FHIT: variants seen among roughly 807,000 people sequenced by gnomAD.
FHIT encodes fragile histidine triad diadenosine triphosphatase.
Under a neutral mutation model 17.9 loss-of-function variants are expected in FHIT, and 19 were observed. The observed-to-expected ratio is 1.06, with a 90% CI of 0.74 to 1.56. The LOEUF (loss-of-function observed/expected upper bound fraction) is 1.56, where lower values mean the gene tolerates loss of function less well. Among genes scored for constraint, FHIT ranks in the 40% most tolerant of loss-of-function variants. The pLI, the probability that FHIT is intolerant of heterozygous loss-of-function variation, is 0.00. For synonymous variants in FHIT, 81 were observed against 69.7 expected, an observed-to-expected ratio of 1.16 and a Z score of -0.81; for missense variants, 248 against 189.2, an observed-to-expected ratio of 1.31 and a Z score of -1.82.
At chr3:60,190,921 C>G (rs938166997) in intron 5 of FHIT, among the ~76,000 whole-genome samples, 1 of 151,780 alleles carries the variant, frequency 6.6e-6, no homozygotes, top group Non-Finnish European at 1.5e-5. Flanking sequence ...CCAGCCTGAG[C>G]AACAGAGTGA....
chr3:60,490,133 G>A (rs777672285), intron 5 of FHIT, among the ~76,000 whole-genome samples: 38 of 152,000 alleles, frequency 2.5e-4, no homozygotes, highest in Non-Finnish European at 4.9e-4. Flanking sequence ...GGTAATCACA[G>A]GCAAAGATGA....
intron 4 of FHIT, among the ~76,000 whole-genome samples, chr3:60,715,674 T>C (rs1191275668): frequency 6.7e-6 from 1 of 149,784 alleles, no homozygotes; most frequent in Admixed American, 6.6e-5. Context: ...TAATGCTAAA[T>C]GATGAGTTAA....
chr3:60,530,636 C>A (rs142243066), intron 5 of FHIT, among the ~76,000 whole-genome samples: 2,074 of 152,284 alleles, frequency 0.014, 52 homozygotes, highest in African/African-American at 0.047. Flanking sequence ...GAGTCCTCAA[C>A]CTTGGCAGCT....
chr3:60,986,387 A>G (rs1468603290), intron 3 of FHIT, among the ~76,000 whole-genome samples: 2 of 152,218 alleles, frequency 1.3e-5, no homozygotes, highest in South Asian at 2.1e-4. Context: ...CTTTAATTCT[A>G]TGTACATTCT....
chr3:60,557,002 G>A (rs980519156), intron 4 of FHIT, among the ~76,000 whole-genome samples: 25 of 152,184 alleles, frequency 1.6e-4, no homozygotes, highest in Admixed American at 4.6e-4. Context: ...AGACCATTCC[G>A]TTAGAAAACT....
intron 2 of FHIT, among the ~76,000 whole-genome samples, chr3:61,136,041 G>A (rs564494875): frequency 4.0e-5 from 6 of 151,856 alleles, no homozygotes; most frequent in Admixed American, 2.0e-4. Flanking sequence ...GGAGAATTTT[G>A]GCCAACCATC....
intron 5 of FHIT, among the ~76,000 whole-genome samples, chr3:60,047,845 G>A (rs1227580543): frequency 2.0e-5 from 3 of 152,198 alleles, no homozygotes; most frequent in African/African-American, 7.2e-5. Flanking sequence ...TGACTTAGGG[G>A]TTCTGCTCTT....
At chr3:60,742,454 A>G (rs945693668) in intron 4 of FHIT, among the ~76,000 whole-genome samples, 1 of 152,190 alleles carries the variant, frequency 6.6e-6, no homozygotes, top group Admixed American at 6.5e-5. Context: ...CTCCTGATTA[A>G]AAGTCTCTCC....
At chr3:60,584,064 G>T (rs73834249) in intron 4 of FHIT, among the ~76,000 whole-genome samples, 1 of 152,032 alleles carries the variant, frequency 6.6e-6, no homozygotes, top group Non-Finnish European at 1.5e-5. Context: ...TACAGGTATA[G>T]GTACAGTTCC....
intron 5 of FHIT, among the ~76,000 whole-genome samples, chr3:60,082,903 T>A (rs1314807578): frequency 6.6e-6 from 1 of 152,196 alleles, no homozygotes; most frequent in Non-Finnish European, 1.5e-5. Flanking sequence ...GCAAATATTT[T>A]CTCCCATCCT....
Position 60,018,784 on chromosome 3 carries a change from C to T in FHIT, c.104-4632G>A, listed in dbSNP as rs771135813. Among the ~76,000 whole-genome samples, 16 of 152,164 alleles carry T rather than the reference C, an allele frequency of 1.1e-4. 1 individual carries two copies. The highest frequency in any genetic ancestry group is 6.8e-3 in the Middle Eastern group (2 of 294). On this transcript the variant is annotated intron_variant, in intron 5 of 9. Transcript: ENST00000492590. Reference sequence around the variant, plus strand: ...CCTGAGGTCAGCAGTTCAAGACCAGCCTGGCCAACGTGGTGAAACCCCATC... The same window carrying T: ...CCTGAGGTCAGCAGTTCAAGACCAGTCTGGCCAACGTGGTGAAACCCCATC...
intron 4 of FHIT, among the ~76,000 whole-genome samples, chr3:60,684,020 T>C (rs2040808281): frequency 6.6e-6 from 1 of 152,186 alleles, no homozygotes; most frequent in South Asian, 2.1e-4. Context: ...TAGCTGATTC[T>C]ATCTTACAGA....
chr3:60,803,264 G>C (rs1701260078), intron 4 of FHIT, among the ~76,000 whole-genome samples: 1 of 152,154 alleles, frequency 6.6e-6, no homozygotes, highest in Admixed American at 6.5e-5. Flanking sequence ...TGATCTGTGA[G>C]CATGAGTTGT....
At chr3:60,192,471 G>A (rs1475768651) in intron 5 of FHIT, among the ~76,000 whole-genome samples, 1 of 152,108 alleles carries the variant, frequency 6.6e-6, no homozygotes, top group Admixed American at 6.6e-5. Flanking sequence ...TGGCTGTGGA[G>A]GAGTTTCCGT....
intron 5 of FHIT, among the ~76,000 whole-genome samples, chr3:60,140,749 T>C (rs1284059986): frequency 6.6e-6 from 1 of 152,066 alleles, no homozygotes; most frequent in Admixed American, 6.6e-5. Flanking sequence ...CAGCTAATTT[T>C]GTATTTTTAG....
chr3:60,385,878 C>T (rs1181371291), intron 5 of FHIT, among the ~76,000 whole-genome samples: 1 of 152,076 alleles, frequency 6.6e-6, no homozygotes, highest in African/African-American at 2.4e-5. Context: ...GTGCCTGGTC[C>T]ATATAAGATT....
chr3:60,671,099 T>A (rs1553693701), intron 4 of FHIT, among the ~76,000 whole-genome samples: 1 of 152,188 alleles, frequency 6.6e-6, no homozygotes, highest in African/African-American at 2.4e-5. Context: ...CCAAATTGGG[T>A]ACACTCACTC....
chr3:60,149,691 TCTA>T (rs1466264429), intron 5 of FHIT, among the ~76,000 whole-genome samples: 3 of 151,846 alleles, frequency 2.0e-5, no homozygotes, highest in Non-Finnish European at 4.4e-5. Context: ...CTCCTCTCAG[TCTA>T]TAAGGTCGCA....
chr3:60,603,902 C>T (rs1275953894), intron 4 of FHIT, among the ~76,000 whole-genome samples: 8 of 152,048 alleles, frequency 5.3e-5, no homozygotes, highest in South Asian at 2.1e-4. Flanking sequence ...GCTATGTGCC[C>T]GGCTGCATGC....
Sources: allele counts gnomAD v4.1 joint callset (sites outside exome capture counted in the v4.1 genomes callset), GRCh38; gene constraint gnomAD v4.1.1; transcripts MANE v1.5; gene names NCBI Gene and HGNC (gene_info 2026-07-23, HGNC 2026-07-21).